The following BABAM2 variants were observed in gnomAD, a reference collection of about 807,000 sequenced individuals.
BABAM2 encodes BRISC and BRCA1 A complex member 2.
BABAM2 carries 31 observed loss-of-function variants against 54.7 expected under a neutral mutation model. That is an observed-to-expected ratio of 0.57 (90% CI 0.43 to 0.77). The LOEUF (loss-of-function observed/expected upper bound fraction) is 0.77, where lower values mean the gene tolerates loss of function less well. Ranked by LOEUF, BABAM2 falls within the 30% of genes least tolerant of loss-of-function variation. BABAM2 has a pLI of 0.00. For synonymous variants in BABAM2, 167 were observed against 162.9 expected, an observed-to-expected ratio of 1.03 and a Z score of -0.19; for missense variants, 364 against 455.8, an observed-to-expected ratio of 0.80 and a Z score of 1.83.
chr2:28,021,857 C>T (rs182331033), intron 4 of BABAM2, among the ~76,000 whole-genome samples: 29 of 152,080 alleles, frequency 1.9e-4, no homozygotes, highest in Non-Finnish European at 3.1e-4. Context: ...TAGTTTCCTC[C>T]TTTATCTCCC....
At position 28,038,580 on chromosome 2, in the gene BABAM2, ATG is replaced by A. The variant is rs201087314; in HGVS notation, c.496-7134_496-7133del. Among the ~76,000 whole-genome samples the A allele has an allele frequency of 6.3e-3, 960 of 151,898 alleles. 7 individuals are homozygous for A. Among genetic ancestry groups the A allele is most frequent in the Non-Finnish European group, 7.9e-3 (535 of 67,932 alleles). ...CCCAGTGTCTGTTGTTCCCATCGTT[ATG>A]TGTGTGTGTGCTCAGTGTTTAGCTC... On this transcript the variant is annotated intron_variant, in intron 5 of 11. Coordinates refer to ENST00000379624, the MANE Select transcript of BABAM2 (RefSeq NM_199191.3).
chr2:28,168,863 C>T (rs1284474446), intron 7 of BABAM2, among the ~76,000 whole-genome samples: 7 of 152,154 alleles, frequency 4.6e-5, no homozygotes, highest in African/African-American at 1.4e-4. Flanking sequence ...TAGTCTCACC[C>T]CTGCTCCCCA....
At chr2:28,253,401 CAA>C (rs374215052) in intron 10 of BABAM2, among the ~76,000 whole-genome samples, 18 of 128,660 alleles carry the variant, frequency 1.4e-4, no homozygotes, top group Admixed American at 1.6e-4. Flanking sequence ...GACTTTGTCT[CAA>C]AAAAAAAAAA....
At chr2:28,206,626 T>G (rs1332978468) in intron 7 of BABAM2, among the ~76,000 whole-genome samples, 1 of 152,120 alleles carries the variant, frequency 6.6e-6, no homozygotes, top group African/African-American at 2.4e-5. Context: ...TGTCTTTCCT[T>G]CGGCACATTC....
At chr2:28,182,917 A>G (rs1675802716) in intron 7 of BABAM2, among the ~76,000 whole-genome samples, 1 of 152,148 alleles carries the variant, frequency 6.6e-6, no homozygotes, top group African/African-American at 2.4e-5. Flanking sequence ...TCGTGCTTGA[A>G]AAGATTGGGA....
At chr2:28,183,101 T>G (rs1347866610) in intron 7 of BABAM2, among the ~76,000 whole-genome samples, 3 of 152,214 alleles carry the variant, frequency 2.0e-5, no homozygotes, top group Non-Finnish European at 4.4e-5. Context: ...TATATCATAT[T>G]AATGGTTCCC....
chr2:28,006,704 CA>C (rs1674000809), intron 4 of BABAM2, among the ~76,000 whole-genome samples: 1 of 152,004 alleles, frequency 6.6e-6, no homozygotes, highest in African/African-American at 2.4e-5. Flanking sequence ...TTATTTTAAA[CA>C]ATAACAGGAG....
chr2:28,005,450 C>T (rs1376654642), intron 4 of BABAM2, among the ~76,000 whole-genome samples: 2 of 151,944 alleles, frequency 1.3e-5, no homozygotes, highest in Non-Finnish European at 2.9e-5. Flanking sequence ...AATTTTTGTG[C>T]TGTTTTGCAG....
intron 7 of BABAM2, among the ~76,000 whole-genome samples, chr2:28,234,892 C>G (rs1681755102): frequency 6.6e-6 from 1 of 152,232 alleles, no homozygotes. Flanking sequence ...TCCTAGCCAT[C>G]TTTAGAGTTT....
chr2:28,320,681 C>T (rs1689956859), intron 11 of BABAM2, among the ~76,000 whole-genome samples: 1 of 152,228 alleles, frequency 6.6e-6, no homozygotes, highest in African/African-American at 2.4e-5. Context: ...CATGGGTGCA[C>T]CCAGAGCCTT....
At chr2:28,282,812 A>G (rs2148198534) in intron 10 of BABAM2, among the ~76,000 whole-genome samples, 1 of 152,134 alleles carries the variant, frequency 6.6e-6, no homozygotes, top group South Asian at 2.1e-4. Flanking sequence ...AGCCTCGCCA[A>G]CATGGTGAAA....
At chr2:28,227,267 G>A (rs1392545789) in intron 7 of BABAM2, among the ~76,000 whole-genome samples, 1 of 151,932 alleles carries the variant, frequency 6.6e-6, no homozygotes, top group Non-Finnish European at 1.5e-5. Flanking sequence ...CCCTGTTCTT[G>A]CTTCCTCTCT....
At chr2:27,976,670 CTT>C (rs1671629818) in intron 3 of BABAM2, among the ~76,000 whole-genome samples, 1 of 152,070 alleles carries the variant, frequency 6.6e-6, no homozygotes, top group African/African-American at 2.4e-5. Flanking sequence ...TTATACAACT[CTT>C]ATAGGTGTAC....
chr2:28,157,560 C>T (rs1408293058), intron 7 of BABAM2, among the ~76,000 whole-genome samples: 1 of 152,154 alleles, frequency 6.6e-6, no homozygotes, highest in Non-Finnish European at 1.5e-5. Context: ...ATGATGGCTA[C>T]ATATCATCAA....
chr2:28,291,422 G>T (rs747995947), intron 10 of BABAM2, among the ~76,000 whole-genome samples: 1 of 152,044 alleles, frequency 6.6e-6, no homozygotes, highest in Non-Finnish European at 1.5e-5. Context: ...GTGAAACCCA[G>T]TCTCTACTTA....
At chr2:28,260,751 A>G (rs1409036120) in intron 10 of BABAM2, among the ~76,000 whole-genome samples, 4 of 152,196 alleles carry the variant, frequency 2.6e-5, no homozygotes, top group Admixed American at 6.5e-5. Flanking sequence ...GAGAATTGCC[A>G]TCTTGGAAAT....
intron 7 of BABAM2, among the ~76,000 whole-genome samples, chr2:28,224,849 G>GAAAAAAAAAAA (rs1406843262): frequency 1.7e-5 from 1 of 60,372 alleles, no homozygotes; most frequent in Non-Finnish European, 3.5e-5. Context: ...ACGGTAAATT[G>GAAAAAAAAAAA]ACAAAAAAAA....
At chr2:28,198,341 T>G (rs1297678394) in intron 7 of BABAM2, among the ~76,000 whole-genome samples, 2 of 152,000 alleles carry the variant, frequency 1.3e-5, no homozygotes, top group Non-Finnish European at 2.9e-5. Flanking sequence ...ATTTTTTGTA[T>G]TTTTTTAGTA....
At chr2:28,268,530 G>T (rs1685169511) in intron 10 of BABAM2, among the ~76,000 whole-genome samples, 1 of 152,192 alleles carries the variant, frequency 6.6e-6, no homozygotes, top group African/African-American at 2.4e-5. Context: ...GTCACATATT[G>T]CATAATTTTT....
Sources: gnomAD v4.1 joint callset for allele counts (sites outside exome capture counted in the v4.1 genomes callset) on GRCh38, gnomAD v4.1.1 for gene constraint, MANE v1.5 for transcripts, NCBI Gene and HGNC (gene_info 2026-07-23, HGNC 2026-07-21) for gene names.